Variants in SHISAL1 observed in about 807,000 individuals in gnomAD.
The protein encoded by SHISAL1 is shisa like 1, also known as protein shisa-like-1.
A neutral mutation model predicts 22.6 loss-of-function variants in SHISAL1; 9 were observed. That is an observed-to-expected ratio of 0.40 (90% confidence interval 0.24 to 0.70). The LOEUF is 0.70. Among genes scored for constraint, SHISAL1 ranks in the 30% least tolerant of loss-of-function variants. The pLI is 0.39. For synonymous variants in SHISAL1, 119 were observed against 115.4 expected (o/e 1.03, Z -0.20); for missense variants, 246 against 270.6 (o/e 0.91, Z 0.64).
At chr22:44,276,480 T>C (rs75511951) in intron 4 of SHISAL1, among the ~76,000 whole-genome samples, 4,190 of 150,034 alleles carry the variant, frequency 0.028, 201 homozygotes, top group African/African-American at 0.099. Context: ...GGACAAAGGC[T>C]GGTGTCAGGG....
chr22:44,244,656 C>G lies in SHISAL1; in HGVS notation c.*5029G>C, dbSNP rs1432195722. ...AGTGTTCTGAATTCATTTTGTGAAT[C>G]TGAGCATGTCTGTTAGGCACAACTA... is the stretch of plus-strand genomic sequence containing the variant. On this transcript the variant is annotated 3_prime_UTR_variant, in exon 5 of 5. Coordinates refer to ENST00000381176, the MANE Select transcript of SHISAL1 (RefSeq NM_001099294.2). 1 of 152,148 alleles carries G rather than the reference C, an allele frequency of 6.6e-6. No homozygotes were observed. Among genetic ancestry groups the G allele is most frequent in the Non-Finnish European group, 1.5e-5 (1 of 68,044 alleles). 9.4% of individuals were successfully genotyped at this position (152,148 alleles called of 1,614,324 possible). A position where few individuals can be genotyped will look rare whatever the true frequency, so the allele number is the denominator to read the frequency against.
intron 4 of SHISAL1, among the ~76,000 whole-genome samples, chr22:44,276,689 CG>C (rs1477866029): frequency 6.6e-6 from 1 of 152,114 alleles, no homozygotes; most frequent in East Asian, 1.9e-4. Context: ...CGGTCCCCCA[CG>C]TCTATGGGAC....
In SHISAL1 at chr22:44,300,828, G is replaced by T. The variant is rs539555191; in HGVS notation, c.67+51C>A. The stretch of plus-strand genomic sequence containing the variant: ...TGGGCCAGCACGAATCTCAGGAAGA[G>T]CCCACACCCCCACGTGCCGCCCCCG... On this transcript the variant is annotated intron_variant, in intron 2 of 4. Coordinates refer to ENST00000381176, the MANE Select transcript of SHISAL1 (RefSeq NM_001099294.2). The T allele has an allele frequency of 1.9e-5, 29 of 1,501,106 alleles. No homozygotes were observed. The East Asian group carries it at 3.8e-4, about 20-fold the overall frequency. The allele number at this position is 1,501,106 out of a possible 1,614,324, so 93.0% of individuals were successfully genotyped here.
At chr22:44,250,780 C>G (rs375843750) in intron 4 of SHISAL1, among the ~76,000 whole-genome samples, 4 of 152,172 alleles carry the variant, frequency 2.6e-5, no homozygotes, top group African/African-American at 9.7e-5. Context: ...TGAACTACCC[C>G]CTTCATACCA....
At chr22:44,307,078 C>T (rs2055484741) in intron 1 of SHISAL1, among the ~76,000 whole-genome samples, 1 of 152,208 alleles carries the variant, frequency 6.6e-6, no homozygotes, top group Non-Finnish European at 1.5e-5. Context: ...AGGGGCCCCA[C>T]AAATGAGGTC....
intron 4 of SHISAL1, among the ~76,000 whole-genome samples, chr22:44,270,315 G>A (rs1477050304): frequency 1.6e-4 from 25 of 152,174 alleles, no homozygotes; most frequent in Admixed American, 2.0e-4. Context: ...GGAGGTAAGC[G>A]GCACTCCAGT....
the SHISAL1 span, among the ~76,000 whole-genome samples, chr22:44,327,942 T>G: frequency 1.3e-5 from 2 of 152,126 alleles, no homozygotes; most frequent in Non-Finnish European, 2.9e-5. Flanking sequence ...AAAGAGCAGC[T>G]GGGCTGGGAA....
At chr22:44,282,270 C>T (rs1270274512) in intron 4 of SHISAL1, among the ~76,000 whole-genome samples, 3 of 152,370 alleles carry the variant, frequency 2.0e-5, no homozygotes, top group Admixed American at 1.3e-4. Context: ...TGGGCCCTCC[C>T]GCTGCAGCAG....
chr22:44,306,170 A>T (rs1420773776), intron 1 of SHISAL1, among the ~76,000 whole-genome samples: 2 of 152,206 alleles, frequency 1.3e-5, no homozygotes, highest in Non-Finnish European at 2.9e-5. Flanking sequence ...CCTCAGGGCC[A>T]TGAGTTCAAT....
At chr22:44,259,151 G>A (rs768405969) in intron 4 of SHISAL1, among the ~76,000 whole-genome samples, 10 of 152,156 alleles carry the variant, frequency 6.6e-5, no homozygotes, top group Admixed American at 1.3e-4. Context: ...TGGTAGAAAC[G>A]GCCAGAAGCG....
At chr22:44,282,156 G>C (rs2055281082) in intron 4 of SHISAL1, among the ~76,000 whole-genome samples, 1 of 152,124 alleles carries the variant, frequency 6.6e-6, no homozygotes, top group African/African-American at 2.4e-5. Context: ...GAGAGGGGAG[G>C]CTGTGCCGGC....
At chr22:44,289,028 G>A (rs1429034178) in intron 3 of SHISAL1, among the ~76,000 whole-genome samples, 6 of 152,230 alleles carry the variant, frequency 3.9e-5, no homozygotes, top group Non-Finnish European at 4.4e-5. Context: ...ATGGGCTGGT[G>A]ACAGTGGCTG....
At chr22:44,305,878 G>T (rs1441445141) in intron 1 of SHISAL1, among the ~76,000 whole-genome samples, 1 of 152,198 alleles carries the variant, frequency 6.6e-6, no homozygotes, top group Non-Finnish European at 1.5e-5. Flanking sequence ...AGGGGTCTGG[G>T]GGATTCTGCA....
chr22:44,292,134 TC>T (rs1361458394), intron 3 of SHISAL1, among the ~76,000 whole-genome samples: 1 of 152,182 alleles, frequency 6.6e-6, no homozygotes, highest in Non-Finnish European at 1.5e-5. Context: ...GCTCTCCTTT[TC>T]CCTGTCACCA....
chr22:44,303,382 G>T (rs1003205345), intron 1 of SHISAL1, among the ~76,000 whole-genome samples: 1 of 152,124 alleles, frequency 6.6e-6, no homozygotes, highest in African/African-American at 2.4e-5. Flanking sequence ...GTGAAGTAGG[G>T]TGGCTCCCTA....
chr22:44,303,407 G>T (rs183304729), intron 1 of SHISAL1, among the ~76,000 whole-genome samples: 95 of 152,210 alleles, frequency 6.2e-4, no homozygotes, highest in African/African-American at 2.1e-3. Context: ...AAGAAGACTG[G>T]TGTTTTTTAT....
In SHISAL1 at chr22:44,259,487, G is replaced by C. The variant is rs1479199574; in HGVS notation, c.*-9802C>G. 3.1e-5 allele frequency among the ~76,000 whole-genome samples: 4 copies of C among 128,326 alleles called. No homozygotes were observed. The South Asian group carries it at 1.1e-3, about 34-fold the overall frequency. The allele number at this position is 128,326 out of a possible 152,430, so 84.2% of individuals were successfully genotyped here. A position where few individuals can be genotyped will look rare whatever the true frequency, so the allele number is the denominator to read the frequency against. ...ATAAAAATTATTAAAAAAAAAAAAA[G>C]AAACAGCCAAAGCCCAGGGGAGCTG... On this transcript the variant is annotated intron_variant, in intron 4 of 4. Coordinates refer to ENST00000381176, the MANE Select transcript of SHISAL1 (RefSeq NM_001099294.2).
At chr22:44,301,541 C>T (rs540227043) in intron 1 of SHISAL1, among the ~76,000 whole-genome samples, 44 of 152,264 alleles carry the variant, frequency 2.9e-4, no homozygotes, top group Admixed American at 5.9e-4. Flanking sequence ...TAAAATGCTC[C>T]GAGCTTCTGA....
intron 4 of SHISAL1, among the ~76,000 whole-genome samples, chr22:44,256,014 C>A (rs1473120328): frequency 6.6e-6 from 1 of 152,240 alleles, no homozygotes; most frequent in Non-Finnish European, 1.5e-5. Flanking sequence ...GAGGCCTAAA[C>A]AGAACCAACA....
Sources: allele counts gnomAD v4.1 joint callset (sites outside exome capture counted in the v4.1 genomes callset), GRCh38; gene constraint gnomAD v4.1.1; transcripts MANE v1.5; gene names NCBI Gene and HGNC (gene_info 2026-07-23, HGNC 2026-07-21).